RAP1GAP: variants seen among roughly 807,000 people sequenced by gnomAD.
RAP1GAP encodes the protein rap1 GTPase-activating protein 1.
A neutral mutation model predicts 87.2 loss-of-function variants in RAP1GAP; 35 were observed. That is an observed-to-expected ratio of 0.40 (90% CI 0.31 to 0.53). The LOEUF is 0.53. RAP1GAP is among the 20% of genes least tolerant of loss of function. The probability of loss-of-function intolerance (pLI) is 0.48; values close to 1 mark genes in which losing one functional copy is unlikely to be tolerated. For synonymous variants in RAP1GAP, 375 were observed against 363.9 expected (o/e 1.03, Z -0.35); for missense variants, 734 against 898.9 (o/e 0.82, Z 2.35).
intron 7 of RAP1GAP, among the ~76,000 whole-genome samples, chr1:21,616,167 ACAC>A (rs2081974751): frequency 6.7e-6 from 1 of 149,950 alleles, no homozygotes; most frequent in Non-Finnish European, 1.5e-5. Context: ...ACACACACAC[ACAC>A]ACACACACAC....
chr1:21,619,804 G>C (rs2085475423), intron 4 of RAP1GAP, among the ~76,000 whole-genome samples: 1 of 152,090 alleles, frequency 6.6e-6, no homozygotes, highest in Admixed American at 6.5e-5. Flanking sequence ...TGGGAGCTGG[G>C]AGCCTAGATG....
Position 21,598,424 on chromosome 1 carries a change from T to C in RAP1GAP, c.1855A>G (p.Thr619Ala). 6.2e-7 allele frequency: 1 copy of C among 1,613,884 alleles called. No homozygotes were observed. The highest frequency in any genetic ancestry group is 1.1e-5 in the South Asian group (1 of 91,080). The change falls in exon 22 of 25, where the codon ACC (threonine) becomes GCC (alanine). Residue 619 changes from threonine to alanine, a missense_variant. Thr to Ala is a moderately conservative substitution (Grantham distance 58). This residue lies in a region of RAP1GAP where 249 missense variants were observed against 252.7 expected (regional missense o/e 0.99). Coordinates refer to ENST00000374765, the MANE Select transcript of RAP1GAP (RefSeq NM_002885.4). The part of the protein sequence containing the change: ...YSTWLEDSVS[T>A]TSGGSSPGPS... ...CCTGGGGAGCTGCCCCCACTAGTGG[T>C]GCTGACACTGTCCTCCAGCCACGTG... is the stretch of plus-strand genomic sequence containing the variant.
chr1:21,653,483 C>G (rs1261765430), intron 1 of RAP1GAP, among the ~76,000 whole-genome samples: 1 of 152,030 alleles, frequency 6.6e-6, no homozygotes, highest in Non-Finnish European at 1.5e-5. Context: ...GGAATCACAC[C>G]AGGGCAGGCT....
chr1:21,600,862 G>T (rs1159349126), intron 20 of RAP1GAP, among the ~76,000 whole-genome samples: 1 of 106,110 alleles, frequency 9.4e-6, no homozygotes, highest in African/African-American at 3.7e-5. Flanking sequence ...TCCAGCCTGG[G>T]AGACAGAGCA....
chr1:21,648,335 C>T (rs2096263837), intron 2 of RAP1GAP, among the ~76,000 whole-genome samples: 1 of 152,202 alleles, frequency 6.6e-6, no homozygotes, highest in East Asian at 1.9e-4. Context: ...TGAGTCTTCC[C>T]TCAAGCGCAT....
At chr1:21,651,918 CCGCCCCAGCTCGGATACGTCCG>C in intron 1 of RAP1GAP, 1 of 957,510 alleles carries the variant, frequency 1.0e-6, no homozygotes, top group Non-Finnish European at 1.2e-6. Context: ...GCCCCCGCCC[CCGCCCCAGCTCGGATACGTCCG>C]CGCCCCAGCG....
intron 4 of RAP1GAP, among the ~76,000 whole-genome samples, chr1:21,619,795 G>T (rs1199777008): frequency 6.6e-6 from 1 of 152,128 alleles, no homozygotes; most frequent in Non-Finnish European, 1.5e-5. Flanking sequence ...ACACAGGGAT[G>T]GGAGCTGGGA....
chr1:21,599,826 C>A (rs111735380), intron 20 of RAP1GAP, among the ~76,000 whole-genome samples: 28 of 152,300 alleles, frequency 1.8e-4, no homozygotes, highest in African/African-American at 6.7e-4. Flanking sequence ...ATCCATAAAT[C>A]TGACCACGTC....
Position 21,617,916 on chromosome 1 carries a change from G to C in RAP1GAP, c.105+18C>G, listed in dbSNP as rs371110237. On this transcript the variant is annotated intron_variant, in intron 6 of 24. Transcript: ENST00000374765. Reference sequence around the variant, plus strand: ...CCTGGGCTTGAGTAAGGGTGGGCGCGGGGTTCTAGCTGAGTACCTCGTGCA... The same window carrying C: ...CCTGGGCTTGAGTAAGGGTGGGCGCCGGGTTCTAGCTGAGTACCTCGTGCA... 5.6e-6 allele frequency: 9 copies of C among 1,614,006 alleles called. No homozygotes were observed. The highest frequency in any genetic ancestry group is 1.6e-4 in the Middle Eastern group (1 of 6,084).
chr1:21,613,080 T>C lies in RAP1GAP; in HGVS notation c.528+96A>G. On this transcript the variant is annotated intron_variant, in intron 10 of 24. Coordinates refer to ENST00000374765, the MANE Select transcript of RAP1GAP (RefSeq NM_002885.4). This position sits in a 1 kb window ranked among gnomAD's most constrained non-coding sequence, Gnocchi z 4.7. ...TTGTGAGGATTAAATGAGAGAACCT[T>C]GGGAAAGTATCTGGCACACAGAAGG... 7.6e-7 allele frequency: 1 copy of C among 1,316,288 alleles called. No homozygotes were observed. Among genetic ancestry groups the C allele is most frequent in the Admixed American group, 1.8e-5 (1 of 56,140 alleles). The allele number at this position is 1,316,288 out of a possible 1,614,324, so 81.5% of individuals were successfully genotyped here. A position where few individuals can be genotyped will look rare whatever the true frequency, so the allele number is the denominator to read the frequency against.
chr1:21,651,780 C>T (rs1268738721), intron 1 of RAP1GAP: 3 of 1,440,868 alleles, frequency 2.1e-6, no homozygotes, highest in Admixed American at 5.2e-5. Flanking sequence ...ACGCCCTACC[C>T]GCCGTAGGCC....
intron 2 of RAP1GAP, among the ~76,000 whole-genome samples, chr1:21,632,598 T>G (rs2093974065): frequency 6.6e-6 from 1 of 152,146 alleles, no homozygotes; most frequent in Non-Finnish European, 1.5e-5. Flanking sequence ...AGTTCCATAC[T>G]CTGCAAAACA....
Position 21,608,928 on chromosome 1 carries a change from C to T in RAP1GAP, c.1080G>A (p.Glu360=). The T allele has an allele frequency of 1.2e-6, 2 of 1,613,588 alleles. No homozygotes were observed. Among genetic ancestry groups the T allele is most frequent in the Non-Finnish European group, 1.7e-6 (2 of 1,179,494 alleles). Reference sequence around the variant, plus strand: ...GCTTTGTCAGCAAAAATTCCTGGAACTCAGGCCCCTGGAAACTCCCAGTGT... The same window carrying T: ...GCTTTGTCAGCAAAAATTCCTGGAATTCAGGCCCCTGGAAACTCCCAGTGT... The part of the protein sequence containing the change: ...PDPAVFRKGP[E]FQEFLLTKLI... The change falls in exon 16 of 25, where the codon GAG becomes GAA. Residue 360 remains glutamate (E), a synonymous_variant. Coordinates refer to ENST00000374765, the MANE Select transcript of RAP1GAP (RefSeq NM_002885.4).
chr1:21,636,835 GGAAGAA>G (rs201625433), intron 2 of RAP1GAP, among the ~76,000 whole-genome samples: 4 of 148,810 alleles, frequency 2.7e-5, no homozygotes, highest in Non-Finnish European at 4.5e-5. Flanking sequence ...GAGAGAGAAA[GGAAGAA>G]GAAGAAGAAG....
At chr1:21,649,297 T>TG (rs1051437147) in intron 2 of RAP1GAP, among the ~76,000 whole-genome samples, 5 of 151,798 alleles carry the variant, frequency 3.3e-5, no homozygotes, top group Non-Finnish European at 2.9e-5. Flanking sequence ...CTAGAGGATT[T>TG]GGGGGTCAGT....
intron 1 of RAP1GAP, among the ~76,000 whole-genome samples, chr1:21,665,782 C>T (rs190955716): frequency 1.4e-4 from 22 of 152,340 alleles, no homozygotes; most frequent in East Asian, 1.2e-3. Flanking sequence ...CCAGGGTGGC[C>T]GCCCCAAGAA....
rs2070112697 is a variant in RAP1GAP, at chr1:21,602,925, G to C, written c.1429-12C>G. On this transcript the variant is annotated splice_polypyrimidine_tract_variant and intron_variant, in intron 18 of 24. Coordinates refer to ENST00000374765, the MANE Select transcript of RAP1GAP (RefSeq NM_002885.4). ...GGGACAATCAGTGACTGTGGGGAGA[G>C]GCCCCAACTCAGTGCCACCTTACCT... The C allele has an allele frequency of 1.9e-6, 3 of 1,594,936 alleles. No homozygotes were observed. Among genetic ancestry groups the C allele is most frequent in the Non-Finnish European group, 2.6e-6 (3 of 1,167,990 alleles).
intron 1 of RAP1GAP, among the ~76,000 whole-genome samples, chr1:21,666,090 G>A (rs1304889409): frequency 6.6e-6 from 1 of 152,204 alleles, no homozygotes; most frequent in East Asian, 1.9e-4. Context: ...CAGGCTTGGT[G>A]TGAGTGCCGA....
In RAP1GAP at chr1:21,649,005, C is replaced by G. The variant is rs893686229; in HGVS notation, c.-113+756G>C. Among the ~76,000 whole-genome samples, 8 of 152,174 alleles carry G rather than the reference C, an allele frequency of 5.3e-5. No homozygotes were observed. In the East Asian group the frequency reaches 1.5e-3, roughly 29 times the overall value. Reference sequence around the variant, plus strand: ...CTGAGCAGGGGCAGGAAGCAGCAGCCAGAGCCGTCGGGGGGCTCTCCTGCT... The same window carrying G: ...CTGAGCAGGGGCAGGAAGCAGCAGCGAGAGCCGTCGGGGGGCTCTCCTGCT... On this transcript the variant is annotated intron_variant, in intron 2 of 24. Transcript: ENST00000374765.
Sources: allele counts gnomAD v4.1 joint callset (sites outside exome capture counted in the v4.1 genomes callset), GRCh38; gene constraint gnomAD v4.1.1; regional missense constraint gnomAD v4.1.1; non-coding constraint Gnocchi (gnomAD v3.1); transcripts MANE v1.5; gene names NCBI Gene and HGNC (gene_info 2026-07-23, HGNC 2026-07-21).